The following SNRPN variants were observed in gnomAD, a reference collection of about 807,000 sequenced individuals.
SNRPN encodes the protein small nuclear ribonucleoprotein polypeptide N.
Under a neutral mutation model 25.2 loss-of-function variants are expected in SNRPN, and 7 were observed. The ratio of observed to expected loss-of-function variants is 0.28; its 90% CI spans 0.16 to 0.52. The LOEUF (loss-of-function observed/expected upper bound fraction) is 0.52. Ranked by LOEUF, SNRPN falls within the 20% of genes least tolerant of loss-of-function variation. SNRPN has a pLI of 0.96. For missense variants in SNRPN, 196 were observed against 322.5 expected, an observed-to-expected ratio of 0.61 and a Z score of 3.00; for synonymous variants, 124 against 110.6, an observed-to-expected ratio of 1.12 and a Z score of -0.76.
chr15:24,855,185 A>G (rs1393385733), upstream of SNRPN, among the ~76,000 whole-genome samples: 1 of 152,208 alleles, frequency 6.6e-6, no homozygotes, highest in Non-Finnish European at 1.5e-5. Context: ...GATGCAACCT[A>G]TAATTGATGT....
intron 2 of SNRPN, among the ~76,000 whole-genome samples, chr15:24,907,024 G>C (rs142810034): frequency 6.6e-5 from 10 of 152,156 alleles, no homozygotes; most frequent in Non-Finnish European, 1.3e-4. Context: ...AAGGAGGCAA[G>C]AGAACTGAAG....
At chr15:24,860,843 T>C (rs1467873924) in intron 1 of SNRPN, among the ~76,000 whole-genome samples, 2 of 152,214 alleles carry the variant, frequency 1.3e-5, no homozygotes, top group African/African-American at 4.8e-5. Context: ...GAAGCCCATA[T>C]ATTATAAAAT....
At position 24,945,848 on chromosome 15, in the gene SNRPN, C is replaced by A. The variant is rs76189697; in HGVS notation, c.-390-16266C>A. On this transcript the variant is annotated intron_variant, in intron 3 of 11. Coordinates refer to the SNRPN transcript ENST00000400097. The stretch of plus-strand genomic sequence containing the variant: ...GAGAGGAGAAATTCAGCAAAGATTT[C>A]TCTCTCCTCATCAAGGCTGTCCCTT... 6.6e-5 allele frequency among the ~76,000 whole-genome samples: 10 copies of A among 152,302 alleles called. No individual in the cohort carries two copies. In the East Asian group the frequency reaches 1.9e-3, roughly 29 times the overall value.
In SNRPN at chr15:24,915,489, G is replaced by A. The variant is rs559345171; in HGVS notation, c.-504-4522G>A. ...ACTAGATTTTATAATGAGGTCCACA[G>A]ATGGGTGGAGGAGAAGCCTGAGTAA... On this transcript the variant is annotated intron_variant, in intron 2 of 11. Transcript: ENST00000400097. Among the ~76,000 whole-genome samples the A allele has an allele frequency of 7.2e-5, 11 of 152,228 alleles. No individual in the cohort carries two copies. In the South Asian group the frequency reaches 1.2e-3, roughly 17 times the overall value.
chr15:24,860,000 G>A (rs908068284), intron 1 of SNRPN, among the ~76,000 whole-genome samples: 1 of 152,138 alleles, frequency 6.6e-6, no homozygotes. Context: ...CCTGTATCTT[G>A]TGCCAGTCTC....
upstream of SNRPN, among the ~76,000 whole-genome samples, chr15:24,852,671 C>T (rs1489449411): frequency 6.6e-6 from 1 of 152,140 alleles, no homozygotes; most frequent in African/African-American, 2.4e-5. Context: ...AATCCCAACA[C>T]TTTGGGAGGT....
intron 3 of SNRPN, among the ~76,000 whole-genome samples, chr15:24,931,152 C>T (rs1172485751): frequency 1.3e-5 from 2 of 152,180 alleles, no homozygotes; most frequent in African/African-American, 4.8e-5. Flanking sequence ...TATTTGATTA[C>T]TAGGAACTTT....
At position 24,901,969 on chromosome 15, in the gene SNRPN, T is replaced by C. The variant is rs114386531; in HGVS notation, c.-505+15380T>C. 3.6e-3 allele frequency among the ~76,000 whole-genome samples: 543 copies of C among 152,346 alleles called. 7 individuals are homozygous for C. Among genetic ancestry groups the C allele is most frequent in the African/African-American group, 0.013 (526 of 41,580 alleles). On this transcript the variant is annotated intron_variant, in intron 2 of 11. Transcript: ENST00000400097. Reference sequence around the variant, plus strand: ...GAACAGATAGGCAAGACAAGTTCTTTTCCTTCTATGTAAATAAGAGAAACT... The same window carrying C: ...GAACAGATAGGCAAGACAAGTTCTTCTCCTTCTATGTAAATAAGAGAAACT...
chr15:24,922,631 G>A (rs570582638), intron 3 of SNRPN, among the ~76,000 whole-genome samples: 14 of 152,136 alleles, frequency 9.2e-5, no homozygotes, highest in South Asian at 4.2e-4. Context: ...TACATCTTAC[G>A]TAGTTTTGTT....
intron 2 of SNRPN, 108 bp downstream of exon 2, chr15:24,962,317 A>G (rs1224510426): frequency 1.2e-6 from 1 of 866,618 alleles, no homozygotes; most frequent in Admixed American, 2.0e-5. Flanking sequence ...GAAGAAGCAG[A>G]CACATCTAAT....
At chr15:24,893,754 C>T (rs2057861189) in intron 2 of SNRPN, among the ~76,000 whole-genome samples, 1 of 151,928 alleles carries the variant, frequency 6.6e-6, no homozygotes, top group Admixed American at 6.6e-5. Flanking sequence ...TAGATTCTTT[C>T]ATGGTTCTTT....
chr15:24,959,665 T>G (rs2074447962), intron 1 of SNRPN, among the ~76,000 whole-genome samples: 1 of 152,202 alleles, frequency 6.6e-6, no homozygotes, highest in Admixed American at 6.5e-5. Context: ...AGGTACTACA[T>G]TATTAGCTGT....
intron 3 of SNRPN, among the ~76,000 whole-genome samples, chr15:24,969,285 C>T (rs2076095964): frequency 6.6e-6 from 1 of 152,156 alleles, no homozygotes. Context: ...CCCACCACCA[C>T]ACCTGGCTAA....
chr15:24,844,427 A>C (rs535961412), intron 2 of SNRPN, among the ~76,000 whole-genome samples: 5 of 152,262 alleles, frequency 3.3e-5, no homozygotes, highest in African/African-American at 4.8e-5. Flanking sequence ...AAGTACCGAA[A>C]ATATTTTTTT....
intron 3 of SNRPN, 166 bp from the exon 4 acceptor site, chr15:24,974,145 T>G: frequency 2.6e-6 from 1 of 379,948 alleles, no homozygotes; most frequent in East Asian, 5.0e-5. Flanking sequence ...ATGTGAGAGT[T>G]AAGAATGAGG....
At chr15:24,950,420 C>G (rs890099286), upstream of SNRPN, among the ~76,000 whole-genome samples, 2 of 151,812 alleles carry the variant, frequency 1.3e-5, no homozygotes, top group African/African-American at 4.8e-5. Context: ...CGTGATCAGC[C>G]AGCCTCAGCC....
Position 24,872,179 on chromosome 15 carries a change from T to C in SNRPN, c.-578-14337T>C. 1.7e-5 allele frequency among the ~76,000 whole-genome samples: 2 copies of C among 119,938 alleles called. 1 individual carries two copies. Among genetic ancestry groups the C allele is most frequent in the Non-Finnish European group, 3.7e-5 (2 of 54,730 alleles). The allele number at this position is 119,938 out of a possible 152,430, so 78.7% of individuals were successfully genotyped here. On this transcript the variant is annotated intron_variant, in intron 1 of 11. Coordinates refer to the SNRPN transcript ENST00000400097. ...AAGATACATTTTTAAAATAACTTTT[T>C]TTTTGAGACATGAGTATCACTTTTG... is the stretch of plus-strand genomic sequence containing the variant.
intron 2 of SNRPN, among the ~76,000 whole-genome samples, chr15:24,843,198 G>C (rs1266708928): frequency 6.6e-6 from 1 of 152,036 alleles, no homozygotes; most frequent in Admixed American, 6.6e-5. Flanking sequence ...TCAGCCTCTG[G>C]AGTACTCATC....
chr15:24,858,640 A>G (rs560728447), intron 1 of SNRPN, among the ~76,000 whole-genome samples: 11 of 152,120 alleles, frequency 7.2e-5, no homozygotes, highest in African/African-American at 2.6e-4. Context: ...TTAAAAAAAA[A>G]AAATACAAAA....
Sources: gnomAD v4.1 joint callset for allele counts (sites outside exome capture counted in the v4.1 genomes callset) on GRCh38, gnomAD v4.1.1 for gene constraint, MANE v1.5 for transcripts, NCBI Gene and HGNC (gene_info 2026-07-23, HGNC 2026-07-21) for gene names.